UPP2: variants seen among roughly 807,000 people sequenced by gnomAD.
UPP2 encodes the protein UPase 2.
In UPP2, 23 loss-of-function variants were observed where a neutral mutation model predicts 26.7. The ratio of observed to expected loss-of-function variants is 0.86; its 90% CI spans 0.62 to 1.22. The LOEUF is 1.22. UPP2 is among the 50% of genes most tolerant of loss of function. UPP2 has a pLI of 0.00. For missense variants in UPP2, 387 were observed against 396.7 expected, an observed-to-expected ratio of 0.98 and a Z score of 0.21; for synonymous variants, 127 against 141.3, an observed-to-expected ratio of 0.90 and a Z score of 0.72.
chr2:158,003,565 A>G (rs896752036), intron 2 of UPP2, among the ~76,000 whole-genome samples: 2 of 151,980 alleles, frequency 1.3e-5, no homozygotes, highest in African/African-American at 4.8e-5. Flanking sequence ...AAAATTAGCC[A>G]GGTGTGGTGG....
chr2:158,020,061 G>C (rs1662566354), intron 3 of UPP2, among the ~76,000 whole-genome samples: 1 of 152,168 alleles, frequency 6.6e-6, no homozygotes, highest in East Asian at 1.9e-4. Flanking sequence ...GACTAGATTT[G>C]CTTGAAAGGC....
intron 3 of UPP2, among the ~76,000 whole-genome samples, chr2:158,037,741 A>G (rs1275572813): frequency 6.6e-6 from 1 of 150,918 alleles, no homozygotes; most frequent in Non-Finnish European, 1.5e-5. Context: ...GATCCACCCT[A>G]CTCAAGTATG....
chr2:158,027,559 C>G (rs1334254207), intron 3 of UPP2, among the ~76,000 whole-genome samples: 1 of 152,160 alleles, frequency 6.6e-6, no homozygotes, highest in Non-Finnish European at 1.5e-5. Context: ...GTGTCTGTGG[C>G]TTTTCCAGGC....
chr2:158,128,620 C>T (rs1683741608), intron 6 of UPP2, among the ~76,000 whole-genome samples: 1 of 152,158 alleles, frequency 6.6e-6, no homozygotes, highest in Non-Finnish European at 1.5e-5. Flanking sequence ...AGCTGGGAAA[C>T]AGGTGAGCTG....
chr2:158,084,652 C>T (rs530333573), intron 3 of UPP2, among the ~76,000 whole-genome samples: 1 of 152,010 alleles, frequency 6.6e-6, no homozygotes, highest in Non-Finnish European at 1.5e-5. Flanking sequence ...ATTTGATACA[C>T]CTCGAGTTGA....
chr2:158,000,163 A>G (rs1248292418), intron 2 of UPP2, among the ~76,000 whole-genome samples: 1 of 151,476 alleles, frequency 6.6e-6, no homozygotes, highest in Non-Finnish European at 1.5e-5. Flanking sequence ...TCCTGGGTTC[A>G]AGTGATTCTC....
Position 158,134,959 on chromosome 2 carries a change from T to C in UPP2, c.*69T>C, listed in dbSNP as rs1173739779. Reference sequence around the variant, plus strand: ...CTCAAGTTGTAATGTGAAAGTCATATTTTATTTGTGGCATTTTTATATAGT... The same window carrying C: ...CTCAAGTTGTAATGTGAAAGTCATACTTTATTTGTGGCATTTTTATATAGT... On this transcript the variant is annotated 3_prime_UTR_variant, in exon 7 of 7. Transcript: ENST00000005756. The C allele has an allele frequency of 2.0e-6, 3 of 1,495,274 alleles. No homozygotes were observed. Among genetic ancestry groups the C allele is most frequent in the Non-Finnish European group, 2.7e-6 (3 of 1,117,870 alleles). The allele number at this position is 1,495,274 out of a possible 1,614,324, so 92.6% of individuals were successfully genotyped here. A position where few individuals can be genotyped will look rare whatever the true frequency, so the allele number is the denominator to read the frequency against.
At chr2:158,076,431 A>G (rs564205494) in intron 3 of UPP2, among the ~76,000 whole-genome samples, 1 of 152,186 alleles carries the variant, frequency 6.6e-6, no homozygotes, top group South Asian at 2.1e-4. Flanking sequence ...ACAAAATACT[A>G]GCAAACCAAA....
chr2:158,094,381 G>A (rs1459912524), intron 3 of UPP2, among the ~76,000 whole-genome samples: 1 of 152,042 alleles, frequency 6.6e-6, no homozygotes, highest in Non-Finnish European at 1.5e-5. Context: ...CTAACATGAA[G>A]TAGTCACAAA....
chr2:158,075,735 G>T (rs1322803066), intron 3 of UPP2, among the ~76,000 whole-genome samples: 1 of 151,378 alleles, frequency 6.6e-6, no homozygotes, highest in Admixed American at 6.6e-5. Flanking sequence ...CATCAGAAAA[G>T]AAGAAAATAT....
chr2:158,050,903 A>G (rs903018098), intron 3 of UPP2, among the ~76,000 whole-genome samples: 6 of 152,160 alleles, frequency 3.9e-5, no homozygotes, highest in Non-Finnish European at 5.9e-5. Context: ...TGGACATTTA[A>G]AAATAACTAA....
chr2:158,105,203 C>T (rs540363847), intron 1 of UPP2, among the ~76,000 whole-genome samples: 1 of 152,058 alleles, frequency 6.6e-6, no homozygotes, highest in African/African-American at 2.4e-5. Context: ...CCGAAAGCTA[C>T]AAATGATATG....
intron 3 of UPP2, among the ~76,000 whole-genome samples, chr2:158,032,411 A>G (rs772651802): frequency 7.2e-5 from 11 of 152,144 alleles, no homozygotes; most frequent in Non-Finnish European, 1.2e-4. Flanking sequence ...TATATGACAA[A>G]GAGCTTACCT....
At chr2:158,073,535 G>T (rs984483235) in intron 3 of UPP2, among the ~76,000 whole-genome samples, 2 of 152,078 alleles carry the variant, frequency 1.3e-5, no homozygotes, top group African/African-American at 4.8e-5. Flanking sequence ...CTACCTCAAG[G>T]CATTTAATAA....
intron 3 of UPP2, among the ~76,000 whole-genome samples, chr2:158,046,407 A>G (rs1472543221): frequency 6.6e-6 from 1 of 152,148 alleles, no homozygotes; most frequent in Admixed American, 6.5e-5. Context: ...TGGCTTGCTC[A>G]TTATTTATTA....
At chr2:158,046,098 T>C (rs1364018288) in intron 3 of UPP2, among the ~76,000 whole-genome samples, 1 of 152,248 alleles carries the variant, frequency 6.6e-6, no homozygotes, top group African/African-American at 2.4e-5. Context: ...ATGTCAAAAT[T>C]ATTGCTTCAA....
chr2:158,063,601 CTTTT>C, intron 3 of UPP2, among the ~76,000 whole-genome samples: 1 of 148,054 alleles, frequency 6.8e-6, no homozygotes, highest in African/African-American at 2.5e-5. Flanking sequence ...ATTTTCTTTT[CTTTT>C]TTTTTTTTAT....
intron 3 of UPP2, among the ~76,000 whole-genome samples, chr2:158,053,690 T>G (rs1028788884): frequency 6.6e-6 from 1 of 152,174 alleles, no homozygotes; most frequent in African/African-American, 2.4e-5. Flanking sequence ...TTATAAATAA[T>G]CTTATGAAGC....
intron 6 of UPP2, chr2:158,126,308 G>C (rs1683692910): frequency 6.6e-6 from 1 of 152,296 alleles, no homozygotes; most frequent in Non-Finnish European, 1.5e-5. Flanking sequence ...GCTGGTAGCT[G>C]ATTTCCGCCT....
Sources: gnomAD v4.1 joint callset for allele counts (sites outside exome capture counted in the v4.1 genomes callset) on GRCh38, gnomAD v4.1.1 for gene constraint, MANE v1.5 for transcripts, NCBI Gene and HGNC (gene_info 2026-07-23, HGNC 2026-07-21) for gene names.